The following NOP2 variants were observed in gnomAD, a reference collection of about 807,000 sequenced individuals.
NOP2 encodes NOP2 nucleolar protein.
Under a neutral mutation model 72.7 loss-of-function variants are expected in NOP2, and 7 were observed. The ratio of observed to expected loss-of-function variants is 0.10; its 90% CI spans 0.05 to 0.18. The LOEUF is 0.18. Ranked by LOEUF, NOP2 falls within the 10% of genes least tolerant of loss-of-function variation. The pLI is 1.00. For missense variants in NOP2, 954 were observed against 1,014.7 expected (o/e 0.94, Z 0.81); for synonymous variants, 387 against 388.0 (o/e 1.00, Z 0.03).
At chr12:6,565,108 G>GGAT (rs1297303833) in intron 5 of NOP2, among the ~76,000 whole-genome samples, 1 of 151,510 alleles carries the variant, frequency 6.6e-6, no homozygotes, top group Non-Finnish European at 1.5e-5. Flanking sequence ...CTGACATTTT[G>GGAT]GATCATCTTC....
chr12:6,564,413 T>C (rs1592245065), intron 5 of NOP2: 1 of 174,210 alleles, frequency 5.7e-6, no homozygotes, highest in South Asian at 9.9e-5. Context: ...AGGACAAAAA[T>C]GGCCCTTGAC....
At position 6,563,758 on chromosome 12, in the gene NOP2, C is replaced by T; in HGVS notation, c.544G>A (p.Glu182Lys). The T allele has an allele frequency of 2.5e-6, 4 of 1,613,166 alleles. No homozygotes were observed. Among genetic ancestry groups the T allele is most frequent in the South Asian group, 2.2e-5 (2 of 90,902 alleles). The change falls in exon 7 of 16, where the codon GAA (glutamate) becomes AAA (lysine). Residue 182 changes from glutamate (E) to lysine (K), a missense_variant. Transcript: ENST00000322166. ...TCCTCCTCGTCCTCGGTCTCCTCTT[C>T]ACTCCACTGGATCCTAGAAACAGGT... ...REAAAGIQWS[E>K]EETEDEEEEK...
intron 2 of NOP2, 190 bp downstream of exon 2, chr12:6,567,626 G>T (rs901884018): frequency 7.9e-6 from 4 of 505,172 alleles, no homozygotes; most frequent in Non-Finnish European, 1.4e-5. Flanking sequence ...AGTTGTGTCC[G>T]TGTCTTCACA....
intron 15 of NOP2, among the ~76,000 whole-genome samples, chr12:6,558,844 G>A (rs958675023): frequency 3.3e-5 from 5 of 152,050 alleles, no homozygotes; most frequent in South Asian, 2.1e-4. Flanking sequence ...TTATAGGCAT[G>A]AGCCATCACC....
chr12:6,562,916 C>T (rs762065947), intron 9 of NOP2, among the ~76,000 whole-genome samples, 165 bp downstream of exon 9: 43 of 152,118 alleles, frequency 2.8e-4, no homozygotes, highest in Non-Finnish European at 4.9e-4. Context: ...GTCCTAGGCC[C>T]CCAGATCCTA....
In NOP2 at chr12:6,557,488, C is replaced by T. The variant is rs1947520279; in HGVS notation, c.1944G>A (p.Gln648=). 1 of 1,613,880 alleles carries T rather than the reference C, an allele frequency of 6.2e-7. No homozygotes were observed. The highest frequency in any genetic ancestry group is 1.3e-5 in the African/African-American group (1 of 74,910). ...KQQHPKKASF[Q]KLNGISKGAD... is the part of the protein sequence containing the mutation. ...CCCCTTTGGAGATGCCATTCAGCTT[C>T]TGGAAGGAGGCCTTCTTGGGATGTT... The change falls in exon 16 of 16, where the codon CAG becomes CAA. Residue 648 remains glutamine (Q), a synonymous_variant. Coordinates refer to ENST00000322166, the MANE Select transcript of NOP2 (RefSeq NM_001258308.2).
intron 2 of NOP2, 42 bp downstream of exon 2, chr12:6,567,774 C>A: frequency 4.1e-6 from 6 of 1,476,520 alleles, no homozygotes; most frequent in Non-Finnish European, 4.7e-6. Flanking sequence ...ATACAGAATA[C>A]TGCAAAAGCT....
chr12:6,561,833 C>A, intron 10 of NOP2, 29 bp from the exon 11 acceptor site: 1 of 1,608,712 alleles, frequency 6.2e-7, no homozygotes, highest in African/African-American at 1.3e-5. Context: ...CTGTGACATG[C>A]GGTAGGGACA....
Position 6,563,405 on chromosome 12 carries a change from G to A in NOP2, c.798C>T (p.Tyr266=), listed in dbSNP as rs1256237363. The A allele has an allele frequency of 1.2e-6, 2 of 1,607,580 alleles. No homozygotes were observed. The highest frequency in any genetic ancestry group is 1.7e-6 in the Non-Finnish European group (2 of 1,177,016). The part of the protein sequence containing the change: ...QREEGRSRSE[Y]LNRLKKDLAI... ...CCAGATCCTTCTTGAGCCGGTTCAG[G>A]TATTCAGAACGAGACCGCCCTTCCT... The change falls in exon 8 of 16, where the codon TAC becomes TAT. Residue 266 remains tyrosine (Y), a synonymous_variant. Coordinates refer to ENST00000322166, the MANE Select transcript of NOP2 (RefSeq NM_001258308.2).
In NOP2 at chr12:6,563,165, C is replaced by T; in HGVS notation, c.894G>A (p.Val298=). Residue 298 remains valine (V), a synonymous_variant, in exon 9 of 16, where the codon GTG becomes GTA. Transcript: ENST00000322166. ...LMDLFPLSEL[V]EFLEANEVPR... is the part of the protein sequence containing the mutation. ...GCACCTCATTAGCTTCTAAGAACTCCACCAGCTGCGGGGCAAGACAGCAGG... is the reference window on the plus strand; with the variant it reads ...GCACCTCATTAGCTTCTAAGAACTCTACCAGCTGCGGGGCAAGACAGCAGG... 6.3e-7 allele frequency: 1 copy of T among 1,589,486 alleles called. No homozygotes were observed. Among genetic ancestry groups the T allele is most frequent in the Non-Finnish European group, 8.6e-7 (1 of 1,168,114 alleles).
intron 6 of NOP2, 23 bp from the exon 7 acceptor site, chr12:6,563,794 A>T: frequency 6.2e-7 from 1 of 1,612,912 alleles, no homozygotes; most frequent in Non-Finnish European, 8.5e-7. Context: ...CCAGGAACAG[A>T]GTGATTCACA....
At chr12:6,557,687 C>T in intron 15 of NOP2, 45 bp from the exon 16 acceptor site, 1 of 1,526,906 alleles carries the variant, frequency 6.5e-7, no homozygotes. Flanking sequence ...TGGGCCTTAT[C>T]ACCATATTTT....
At chr12:6,559,050 C>T (rs963970549) in intron 15 of NOP2, among the ~76,000 whole-genome samples, 3 of 152,058 alleles carry the variant, frequency 2.0e-5, no homozygotes, top group African/African-American at 7.2e-5. Context: ...CTCCACCTCC[C>T]AGGTTCAAGT....
Position 6,557,053 on chromosome 12 carries a change from G to C in NOP2, c.2379C>G (p.Pro793=), listed in dbSNP as rs1947496800. Residue 793 remains proline (P), a synonymous_variant, in exon 16 of 16, where the codon CCC becomes CCG. Transcript: ENST00000322166. The part of the protein sequence containing the change: ...PTVSPIRSSR[P]PPAKRKKSQS... ...GAGATTTCTTCCTCTTTGCTGGTGG[G>C]GGGCGGCTGGAACGGATGGGAGACA... The C allele has an allele frequency of 6.2e-7, 1 of 1,613,966 alleles. No homozygotes were observed. Among genetic ancestry groups the C allele is most frequent in the Non-Finnish European group, 8.5e-7 (1 of 1,179,876 alleles).
At chr12:6,559,469 G>T (rs546210725) in intron 15 of NOP2, among the ~76,000 whole-genome samples, 5 of 152,122 alleles carry the variant, frequency 3.3e-5, no homozygotes, top group Non-Finnish European at 7.4e-5. Context: ...TCACCGTGTC[G>T]AATTCCTGAC....
At position 6,563,434 on chromosome 12, in the gene NOP2, G is replaced by T. The variant is rs753264124; in HGVS notation, c.769C>A (p.Arg257=). 99 of 1,609,346 alleles carry T rather than the reference G, an allele frequency of 6.2e-5. No individual in the cohort carries two copies. Among genetic ancestry groups the T allele is most frequent in the Non-Finnish European group, 7.6e-5 (89 of 1,177,946 alleles). Residue 257 remains arginine (R), a synonymous_variant, in exon 8 of 16, where the codon CGG becomes AGG. Transcript: ENST00000322166. ...VGILRDFGAQ[R]EEGRSRSEYL... ...TCAGAACGAGACCGCCCTTCCTCCC[G>T]CTGAGCCCCAAAATCACGCAGAATT... is the stretch of plus-strand genomic sequence containing the variant.
chr12:6,565,449 T>C (rs1340518640), intron 5 of NOP2, among the ~76,000 whole-genome samples: 1 of 152,222 alleles, frequency 6.6e-6, no homozygotes, highest in Non-Finnish European at 1.5e-5. Context: ...CAAGCAATTT[T>C]CCTGCCTCAG....
chr12:6,567,070 T>C (rs1467601164), intron 2 of NOP2, among the ~76,000 whole-genome samples: 1 of 151,958 alleles, frequency 6.6e-6, no homozygotes, highest in East Asian at 1.9e-4. Flanking sequence ...TTCTCCCAGA[T>C]TCAAGCGATT....
chr12:6,566,209 T>C lies in NOP2; in HGVS notation c.366A>G (p.Glu122=). The change falls in exon 5 of 16, where the codon GAA becomes GAG. Residue 122 remains glutamate, a synonymous_variant. Coordinates refer to ENST00000322166, the MANE Select transcript of NOP2 (RefSeq NM_001258308.2). ...DEEEEEEDSE[E]DGMVNHGDLW... ...GGTCCCCGTGGTTCACCATACCATCTTCTTCAGAGTCTTCCTCCTCCTCTT... is the reference window on the plus strand; with the variant it reads ...GGTCCCCGTGGTTCACCATACCATCCTCTTCAGAGTCTTCCTCCTCCTCTT... The C allele has an allele frequency of 1.2e-6, 2 of 1,614,028 alleles. No homozygotes were observed. Among genetic ancestry groups the C allele is most frequent in the Non-Finnish European group, 8.5e-7 (1 of 1,179,890 alleles).
Sources: allele counts gnomAD v4.1 joint callset (sites outside exome capture counted in the v4.1 genomes callset), GRCh38; gene constraint gnomAD v4.1.1; transcripts MANE v1.5; gene names NCBI Gene and HGNC (gene_info 2026-07-23, HGNC 2026-07-21).